TAFA1: variants seen among roughly 807,000 people sequenced by gnomAD.
TAFA1 encodes chemokine-like protein TAFA-1.
A neutral mutation model predicts 18.5 loss-of-function variants in TAFA1; 4 were observed. The observed-to-expected ratio is 0.22, with a 90% CI of 0.11 to 0.49. The LOEUF (loss-of-function observed/expected upper bound fraction) is 0.49, where lower values mean the gene tolerates loss of function less well. Among genes scored for constraint, TAFA1 ranks in the 20% least tolerant of loss-of-function variants. TAFA1 has a pLI of 0.98. For missense variants in TAFA1, 147 were observed against 169.0 expected, an observed-to-expected ratio of 0.87 and a Z score of 0.72; for synonymous variants, 56 against 55.2, an observed-to-expected ratio of 1.01 and a Z score of -0.06.
chr3:68,440,553 A>G (rs1258817189), intron 3 of TAFA1, among the ~76,000 whole-genome samples: 1 of 152,190 alleles, frequency 6.6e-6, no homozygotes, highest in Non-Finnish European at 1.5e-5. Flanking sequence ...GCTGGTATTA[A>G]TGACTAGTTT....
intron 2 of TAFA1, among the ~76,000 whole-genome samples, chr3:68,187,105 A>G (rs966604743): frequency 4.6e-5 from 7 of 152,038 alleles, no homozygotes; most frequent in African/African-American, 1.4e-4. Context: ...AATTCTGAGT[A>G]AATTCATTTT....
At chr3:68,168,462 G>A (rs1260193223) in intron 2 of TAFA1, among the ~76,000 whole-genome samples, 2 of 152,156 alleles carry the variant, frequency 1.3e-5, no homozygotes, top group Non-Finnish European at 2.9e-5. Flanking sequence ...AGTTGATAGT[G>A]ATATAACTTT....
intron 2 of TAFA1, among the ~76,000 whole-genome samples, chr3:68,297,388 T>C (rs1208417734): frequency 6.6e-6 from 1 of 152,192 alleles, no homozygotes; most frequent in Non-Finnish European, 1.5e-5. Flanking sequence ...CCACTCTCAA[T>C]TCTGGGTCTT....
At chr3:68,178,841 G>A (rs938411163) in intron 2 of TAFA1, among the ~76,000 whole-genome samples, 2 of 152,158 alleles carry the variant, frequency 1.3e-5, no homozygotes, top group Non-Finnish European at 2.9e-5. Context: ...ATGTACTGAG[G>A]TACACTGTTT....
chr3:68,280,004 C>A (rs1033221996), intron 2 of TAFA1, among the ~76,000 whole-genome samples: 1 of 152,174 alleles, frequency 6.6e-6, no homozygotes, highest in African/African-American at 2.4e-5. Flanking sequence ...ATACAAAATT[C>A]GCAAATTCTT....
intron 2 of TAFA1, among the ~76,000 whole-genome samples, chr3:68,070,521 T>TC (rs1270426227): frequency 3.3e-5 from 5 of 152,184 alleles, no homozygotes; most frequent in Non-Finnish European, 1.5e-5. Flanking sequence ...TGGAGACATT[T>TC]CCCCCATTGT....
intron 2 of TAFA1, among the ~76,000 whole-genome samples, chr3:68,120,336 G>A (rs1354174675): frequency 6.6e-6 from 1 of 151,384 alleles, no homozygotes; most frequent in Non-Finnish European, 1.5e-5. Flanking sequence ...TACAACCTCT[G>A]CCTCCTGGGT....
intron 2 of TAFA1, among the ~76,000 whole-genome samples, chr3:68,198,208 T>G (rs2066434101): frequency 6.6e-6 from 1 of 151,694 alleles, no homozygotes; most frequent in Admixed American, 6.6e-5. Context: ...GCTTGATAGT[T>G]TATTTCTTTT....
intron 2 of TAFA1, among the ~76,000 whole-genome samples, chr3:68,267,088 G>A (rs536740791): frequency 2.0e-5 from 3 of 152,244 alleles, no homozygotes; most frequent in African/African-American, 7.2e-5. Context: ...AGAAAGCTGA[G>A]TTTCTCCTCA....
chr3:68,183,360 C>A (rs2066230296), intron 2 of TAFA1, among the ~76,000 whole-genome samples: 1 of 152,062 alleles, frequency 6.6e-6, no homozygotes, highest in South Asian at 2.1e-4. Flanking sequence ...AATAAGGAAC[C>A]AGAAGTCATG....
At chr3:68,350,508 A>G (rs1253403382) in intron 2 of TAFA1, among the ~76,000 whole-genome samples, 1 of 152,100 alleles carries the variant, frequency 6.6e-6, no homozygotes, top group Non-Finnish European at 1.5e-5. Flanking sequence ...CCTACCACAG[A>G]TTTCCTGAAT....
chr3:68,114,947 A>G (rs764154028), intron 2 of TAFA1, among the ~76,000 whole-genome samples: 2 of 152,240 alleles, frequency 1.3e-5, no homozygotes, highest in Non-Finnish European at 2.9e-5. Context: ...TGCCTGCTAT[A>G]TTATTCCAAT....
chr3:68,364,579 TACAG>T (rs2069530956), intron 2 of TAFA1, among the ~76,000 whole-genome samples: 1 of 152,214 alleles, frequency 6.6e-6, no homozygotes. Flanking sequence ...CTTATAAACT[TACAG>T]ACATCTAAGT....
chr3:68,510,391 G>A (rs933606919), intron 3 of TAFA1, among the ~76,000 whole-genome samples: 3 of 152,112 alleles, frequency 2.0e-5, no homozygotes, highest in Non-Finnish European at 2.9e-5. Flanking sequence ...CATTTCAGAG[G>A]TGAGGATTCA....
At chr3:68,309,409 C>T (rs2068478216) in intron 2 of TAFA1, among the ~76,000 whole-genome samples, 1 of 152,164 alleles carries the variant, frequency 6.6e-6, no homozygotes, top group Non-Finnish European at 1.5e-5. Flanking sequence ...TATTATACCT[C>T]TTACCTCATT....
At chr3:68,529,339 T>G (rs546112651) in intron 3 of TAFA1, among the ~76,000 whole-genome samples, 1 of 150,758 alleles carries the variant, frequency 6.6e-6, no homozygotes, top group South Asian at 2.1e-4. Context: ...TTCATCTGCT[T>G]CTTCTTCCAT....
intron 2 of TAFA1, among the ~76,000 whole-genome samples, chr3:68,222,044 T>G (rs1218094698): frequency 6.6e-6 from 1 of 152,186 alleles, no homozygotes; most frequent in Non-Finnish European, 1.5e-5. Context: ...ATCCTCTAAC[T>G]TTTTCATTTT....
intron 3 of TAFA1, among the ~76,000 whole-genome samples, chr3:68,471,125 G>A (rs371526466): frequency 3.3e-5 from 5 of 152,334 alleles, no homozygotes; most frequent in African/African-American, 9.6e-5. Flanking sequence ...ATGTGGTATT[G>A]AGTCTGCAGG....
intron 3 of TAFA1, among the ~76,000 whole-genome samples, chr3:68,441,332 G>C (rs2071375936): frequency 6.6e-6 from 1 of 152,112 alleles, no homozygotes; most frequent in Non-Finnish European, 1.5e-5. Flanking sequence ...GTGGCAGATA[G>C]TGACACTGTG....
Sources: gnomAD v4.1 joint callset for allele counts (sites outside exome capture counted in the v4.1 genomes callset) on GRCh38, gnomAD v4.1.1 for gene constraint, MANE v1.5 for transcripts, NCBI Gene and HGNC (gene_info 2026-07-23, HGNC 2026-07-21) for gene names.